Variants in HTR1E observed in about 807,000 individuals in gnomAD.
HTR1E encodes the protein 5-HT-1E.
HTR1E carries 3 observed loss-of-function variants against 3.4 expected under a neutral mutation model. The ratio of observed to expected loss-of-function variants is 0.89; its 90% CI spans 0.41 to 2.31. HTR1E has a LOEUF of 2.31. Among genes scored for constraint, HTR1E ranks in the 30% most tolerant of loss-of-function variants. HTR1E has a pLI of 0.05. For synonymous variants in HTR1E, 170 were observed against 182.8 expected (o/e 0.93, Z 0.56); for missense variants, 392 against 467.0 (o/e 0.84, Z 1.48).
At chr6:86,943,386 C>T (rs1392752853) in intron 1 of HTR1E, among the ~76,000 whole-genome samples, 2 of 152,284 alleles carry the variant, frequency 1.3e-5, no homozygotes, top group Non-Finnish European at 2.9e-5. Flanking sequence ...ACAGTGCCAG[C>T]GTGGCAGTGA....
intron 1 of HTR1E, among the ~76,000 whole-genome samples, chr6:86,951,673 A>AT (rs1767242250): frequency 6.6e-6 from 1 of 152,330 alleles, no homozygotes; most frequent in African/African-American, 2.4e-5. Flanking sequence ...ATTTATACTC[A>AT]TTTTTGAAAA....
intron 1 of HTR1E, among the ~76,000 whole-genome samples, chr6:87,011,743 T>G (rs1204182905): frequency 1.3e-5 from 2 of 152,126 alleles, no homozygotes; most frequent in Non-Finnish European, 2.9e-5. Context: ...AAAGCGGAAG[T>G]ATCAGACAGT....
intron 1 of HTR1E, among the ~76,000 whole-genome samples, chr6:86,963,393 TATAAA>T (rs1200740142): frequency 6.6e-6 from 1 of 152,176 alleles, no homozygotes; most frequent in Non-Finnish European, 1.5e-5. Context: ...TTTAAATACT[TATAAA>T]GTAAAAATGT....
intron 1 of HTR1E, among the ~76,000 whole-genome samples, chr6:87,000,686 T>A (rs1040759404): frequency 6.6e-6 from 1 of 152,166 alleles, no homozygotes; most frequent in African/African-American, 2.4e-5. Context: ...AATAAAGACT[T>A]TCTCAGACAA....
At chr6:86,999,670 A>G (rs1767991221) in intron 1 of HTR1E, among the ~76,000 whole-genome samples, 1 of 152,198 alleles carries the variant, frequency 6.6e-6, no homozygotes, top group Non-Finnish European at 1.5e-5. Context: ...AACCCAAAAG[A>G]TTTGGAACCT....
At chr6:86,950,715 C>T (rs1243298349) in intron 1 of HTR1E, among the ~76,000 whole-genome samples, 1 of 152,172 alleles carries the variant, frequency 6.6e-6, no homozygotes, top group East Asian at 1.9e-4. Context: ...CAATTGGTTT[C>T]ATAACCCTAA....
chr6:87,002,722 G>C (rs917900637), intron 1 of HTR1E, among the ~76,000 whole-genome samples: 1 of 152,162 alleles, frequency 6.6e-6, no homozygotes, highest in South Asian at 2.1e-4. Context: ...AGTGCTGATT[G>C]GTGGGTTTAT....
rs199517463 is a variant in HTR1E, at chr6:87,015,320, T to C, written c.-15T>C. Reference sequence around the variant, plus strand: ...CCAACAGCTTCTCCACAGTGTAGACTGAAACAAGGGAAACATGAACATCAC... The same window carrying C: ...CCAACAGCTTCTCCACAGTGTAGACCGAAACAAGGGAAACATGAACATCAC... On this transcript the variant is annotated 5_prime_UTR_variant, in exon 2 of 2. Coordinates refer to ENST00000305344, the MANE Select transcript of HTR1E (RefSeq NM_000865.3). 40 of 1,529,444 alleles carry C rather than the reference T, an allele frequency of 2.6e-5. No homozygotes were observed. The highest frequency in any genetic ancestry group is 3.4e-5 in the Non-Finnish European group (39 of 1,134,672). 94.7% of individuals were successfully genotyped at this position (1,529,444 alleles called of 1,614,324 possible).
chr6:86,959,273 A>T (rs1767371973), intron 1 of HTR1E, among the ~76,000 whole-genome samples: 1 of 152,086 alleles, frequency 6.6e-6, no homozygotes, highest in South Asian at 2.1e-4. Flanking sequence ...TTAAAAAAAG[A>T]AAAAAAGAAG....
intron 1 of HTR1E, among the ~76,000 whole-genome samples, chr6:86,991,661 G>C (rs544935806): frequency 2.6e-5 from 4 of 152,248 alleles, no homozygotes; most frequent in African/African-American, 9.6e-5. Flanking sequence ...AGTGATGTTT[G>C]TTCAGTGAAG....
intron 1 of HTR1E, among the ~76,000 whole-genome samples, chr6:86,942,294 C>T (rs1347871075): frequency 6.6e-6 from 1 of 152,144 alleles, no homozygotes; most frequent in Non-Finnish European, 1.5e-5. Flanking sequence ...TGTAGTTTGT[C>T]ATTGTAATTA....
At chr6:86,963,596 T>C (rs1397875088) in intron 1 of HTR1E, among the ~76,000 whole-genome samples, 1 of 152,206 alleles carries the variant, frequency 6.6e-6, no homozygotes, top group Non-Finnish European at 1.5e-5. Context: ...GCTCCATTCA[T>C]GGTAAATGCC....
intron 1 of HTR1E, among the ~76,000 whole-genome samples, chr6:86,985,151 T>C (rs1451232453): frequency 6.6e-6 from 1 of 152,094 alleles, no homozygotes; most frequent in Non-Finnish European, 1.5e-5. Context: ...GGCCGTAAAC[T>C]AAGGAAATGA....
intron 1 of HTR1E, among the ~76,000 whole-genome samples, chr6:86,943,492 A>G (rs901569992): frequency 6.6e-6 from 1 of 152,192 alleles, no homozygotes; most frequent in Non-Finnish European, 1.5e-5. Context: ...CATCGTTACA[A>G]TGGGGACAAT....
intron 1 of HTR1E, among the ~76,000 whole-genome samples, chr6:86,982,750 A>G (rs917337681): frequency 1.3e-5 from 2 of 152,376 alleles, no homozygotes; most frequent in South Asian, 4.1e-4. Flanking sequence ...GGAAAGTTCT[A>G]AAAATAGTAA....
intron 1 of HTR1E, among the ~76,000 whole-genome samples, chr6:87,009,224 G>A (rs1768163695): frequency 6.7e-6 from 1 of 150,018 alleles, no homozygotes. Flanking sequence ...CGCAGTGTTT[G>A]TGTCCCTGAT....
At chr6:87,011,207 C>CA (rs1768228915) in intron 1 of HTR1E, among the ~76,000 whole-genome samples, 1 of 152,154 alleles carries the variant, frequency 6.6e-6, no homozygotes. Flanking sequence ...GCTAAGCTGA[C>CA]AGAGTTGAGG....
chr6:86,948,915 A>G (rs1767172491), intron 1 of HTR1E, among the ~76,000 whole-genome samples: 1 of 152,270 alleles, frequency 6.6e-6, no homozygotes, highest in Non-Finnish European at 1.5e-5. Context: ...AAAACTTTAC[A>G]TGGAGGAAGG....
At chr6:86,967,620 A>C (rs1428917257) in intron 1 of HTR1E, among the ~76,000 whole-genome samples, 1 of 152,168 alleles carries the variant, frequency 6.6e-6, no homozygotes, top group African/African-American at 2.4e-5. Flanking sequence ...AATATGCGAA[A>C]GAGAGGAAAG....
Sources: allele counts gnomAD v4.1 joint callset (sites outside exome capture counted in the v4.1 genomes callset), GRCh38; gene constraint gnomAD v4.1.1; transcripts MANE v1.5; gene names NCBI Gene and HGNC (gene_info 2026-07-23, HGNC 2026-07-21).